SPTLC3: variants seen among roughly 807,000 people sequenced by gnomAD.
The protein encoded by SPTLC3 is serine palmitoyltransferase 3.
Under a neutral mutation model 59.3 loss-of-function variants are expected in SPTLC3, and 36 were observed. That is an observed-to-expected ratio of 0.61 (90% CI 0.47 to 0.80). The LOEUF is 0.80. Ranked by LOEUF, SPTLC3 falls within the 30% of genes least tolerant of loss-of-function variation. SPTLC3 has a pLI of 0.00. For synonymous variants in SPTLC3, 257 were observed against 240.8 expected, an observed-to-expected ratio of 1.07 and a Z score of -0.62; for missense variants, 625 against 685.1, an observed-to-expected ratio of 0.91 and a Z score of 0.98.
intron 4 of SPTLC3, among the ~76,000 whole-genome samples, chr20:13,075,608 G>T (rs1988617369): frequency 6.6e-6 from 1 of 152,140 alleles, no homozygotes; most frequent in Non-Finnish European, 1.5e-5. Flanking sequence ...CATAAGGGCT[G>T]GAGATGTTAA....
At chr20:13,090,287 T>G (rs1366704209) in intron 4 of SPTLC3, among the ~76,000 whole-genome samples, 1 of 152,250 alleles carries the variant, frequency 6.6e-6, no homozygotes, top group African/African-American at 2.4e-5. Context: ...TCAGTTTTCT[T>G]ATCTGTGAAG....
intron 10 of SPTLC3, among the ~76,000 whole-genome samples, chr20:13,157,933 C>T (rs1018143231): frequency 6.6e-6 from 1 of 152,228 alleles, no homozygotes; most frequent in African/African-American, 2.4e-5. Flanking sequence ...CTCCACATTT[C>T]CTACTATGCA....
intron 8 of SPTLC3, among the ~76,000 whole-genome samples, chr20:13,123,204 G>A (rs766382367): frequency 1.1e-4 from 17 of 151,978 alleles, no homozygotes; most frequent in Non-Finnish European, 2.1e-4. Flanking sequence ...GGTGGCACAC[G>A]CCTGTATTCC....
intron 4 of SPTLC3, among the ~76,000 whole-genome samples, chr20:13,086,128 A>G (rs981093552): frequency 2.6e-5 from 4 of 152,216 alleles, no homozygotes; most frequent in Admixed American, 6.5e-5. Flanking sequence ...AAAAATGCCA[A>G]TATTTATATA....
At chr20:13,054,757 T>C (rs1399658226) in intron 2 of SPTLC3, among the ~76,000 whole-genome samples, 1 of 152,180 alleles carries the variant, frequency 6.6e-6, no homozygotes, top group Non-Finnish European at 1.5e-5. Flanking sequence ...TCTGGACTTC[T>C]GGAAAAAGTC....
chr20:13,108,262 AAC>A (rs1054275393), intron 6 of SPTLC3, among the ~76,000 whole-genome samples: 27 of 152,182 alleles, frequency 1.8e-4, no homozygotes, highest in Non-Finnish European at 3.4e-4. Context: ...ATTAAAAAGA[AAC>A]ACACACACAC....
At chr20:13,133,256 C>T (rs560471412) in intron 9 of SPTLC3, among the ~76,000 whole-genome samples, 25 of 152,242 alleles carry the variant, frequency 1.6e-4, no homozygotes, top group East Asian at 5.8e-4. Flanking sequence ...AAACAGCTTG[C>T]GGACCCTCTA....
At chr20:13,100,882 G>A (rs139197053) in intron 6 of SPTLC3, among the ~76,000 whole-genome samples, 128 of 152,274 alleles carry the variant, frequency 8.4e-4, no homozygotes, top group African/African-American at 3.0e-3. Context: ...TGTTGCTTTT[G>A]TCTTGGTTTG....
chr20:13,011,994 T>G (rs1348601290), intron 1 of SPTLC3, among the ~76,000 whole-genome samples: 1 of 152,206 alleles, frequency 6.6e-6, no homozygotes, highest in Non-Finnish European at 1.5e-5. Context: ...TCCTAATGAA[T>G]AGGAATTTCC....
chr20:13,167,230 T>C lies in SPTLC3; in HGVS notation c.*2363T>C, dbSNP rs138168173. ...TTTTTAAGAAAAAGCTCTCAAATGC[T>C]AGGCTAATAAGTTCATGATTTTAAT... On this transcript the variant is annotated 3_prime_UTR_variant, in exon 12 of 12. Transcript: ENST00000399002. 1.2e-3 allele frequency: 184 copies of C among 152,316 alleles called. No individual in the cohort carries two copies. The highest frequency in any genetic ancestry group is 4.2e-3 in the African/African-American group (173 of 41,566). 9.4% of individuals were successfully genotyped at this position (152,316 alleles called of 1,614,324 possible).
intron 4 of SPTLC3, among the ~76,000 whole-genome samples, chr20:13,087,867 A>G (rs1989054868): frequency 6.6e-6 from 1 of 152,226 alleles, no homozygotes; most frequent in Non-Finnish European, 1.5e-5. Context: ...GAGAAAAATG[A>G]CCAGTTTTCC....
In SPTLC3 at chr20:13,047,466, A is replaced by G. The variant is rs187844433; in HGVS notation, c.118-1479A>G. The stretch of plus-strand genomic sequence containing the variant: ...ATCTGACAATTTTTGTAAATCACTA[A>G]AAGTTATGTATTCCAAGTATTCAAA... On this transcript the variant is annotated intron_variant, in intron 1 of 11. Transcript: ENST00000399002. Among the ~76,000 whole-genome samples the G allele has an allele frequency of 4.2e-4, 64 of 152,304 alleles. 2 individuals carry two copies. Among genetic ancestry groups the G allele is most frequent in the South Asian group, 3.1e-3 (15 of 4,826 alleles).
intron 2 of SPTLC3, among the ~76,000 whole-genome samples, chr20:13,058,990 T>G (rs1419340601): frequency 3.3e-5 from 5 of 152,152 alleles, no homozygotes; most frequent in Non-Finnish European, 2.9e-5. Flanking sequence ...GTCTCTATGT[T>G]AAGGGCAGAG....
chr20:13,139,464 G>C (rs6134795), intron 9 of SPTLC3, among the ~76,000 whole-genome samples: 1 of 152,306 alleles, frequency 6.6e-6, no homozygotes, highest in South Asian at 2.1e-4. Context: ...CAAGAACCCA[G>C]CCTCCTTCCA....
intron 2 of SPTLC3, among the ~76,000 whole-genome samples, chr20:13,069,173 C>T (rs6041839): frequency 0.4 from 60,644 of 151,920 alleles, 12,257 homozygotes; most frequent in Middle Eastern, 0.55. Flanking sequence ...TTCCATATCA[C>T]GGGCCAGGGT....
At chr20:13,018,195 T>C (rs1308936743) in intron 1 of SPTLC3, among the ~76,000 whole-genome samples, 4 of 152,200 alleles carry the variant, frequency 2.6e-5, no homozygotes, top group African/African-American at 7.2e-5. Flanking sequence ...CTGTTTTAAG[T>C]TTGCTGGTGG....
chr20:13,098,677 T>C (rs1233182292), intron 6 of SPTLC3, among the ~76,000 whole-genome samples: 2 of 152,208 alleles, frequency 1.3e-5, no homozygotes, highest in African/African-American at 4.8e-5. Flanking sequence ...TGTTGTTATT[T>C]AGACTAGCAA....
chr20:13,139,485 C>T (rs1480572589), intron 9 of SPTLC3, among the ~76,000 whole-genome samples: 6 of 152,212 alleles, frequency 3.9e-5, no homozygotes, highest in Non-Finnish European at 8.8e-5. Flanking sequence ...TTTTGTAGCT[C>T]CTCCAGCTTC....
chr20:13,079,684 G>C, intron 4 of SPTLC3: 1 of 445,762 alleles, frequency 2.2e-6, no homozygotes, highest in South Asian at 1.6e-5. Context: ...TTCTTTTCTG[G>C]TTTGTTGCTT....
Sources: allele counts gnomAD v4.1 joint callset (sites outside exome capture counted in the v4.1 genomes callset), GRCh38; gene constraint gnomAD v4.1.1; transcripts MANE v1.5; gene names NCBI Gene and HGNC (gene_info 2026-07-23, HGNC 2026-07-21).